MAP4K3: variants seen among roughly 807,000 people sequenced by gnomAD.
MAP4K3 encodes mitogen-activated protein kinase kinase kinase kinase 3.
In MAP4K3, 94 loss-of-function variants were observed where a neutral mutation model predicts 143.5. That is an observed-to-expected ratio of 0.65 (90% CI 0.55 to 0.78). The LOEUF (loss-of-function observed/expected upper bound fraction) is 0.78. Among genes scored for constraint, MAP4K3 ranks in the 30% least tolerant of loss-of-function variants. The probability of loss-of-function intolerance (pLI) is 0.00; values close to 1 mark genes in which losing one functional copy is unlikely to be tolerated. For synonymous variants in MAP4K3, 416 were observed against 347.2 expected, an observed-to-expected ratio of 1.20 and a Z score of -2.20; for missense variants, 1,077 against 1,068.1, an observed-to-expected ratio of 1.01 and a Z score of -0.12.
intron 1 of MAP4K3, among the ~76,000 whole-genome samples, chr2:39,411,901 C>T (rs778557603): frequency 1.2e-4 from 19 of 152,180 alleles, no homozygotes; most frequent in African/African-American, 4.1e-4. Context: ...TGACAACACG[C>T]TTCATGGCAC....
chr2:39,308,806 A>C (rs1682811643), intron 14 of MAP4K3, among the ~76,000 whole-genome samples: 1 of 152,170 alleles, frequency 6.6e-6, no homozygotes, highest in Non-Finnish European at 1.5e-5. Context: ...AGCAAGCCTT[A>C]AATGAATGAC....
chr2:39,306,120 G>A (rs1241995364), intron 15 of MAP4K3, among the ~76,000 whole-genome samples: 1 of 152,174 alleles, frequency 6.6e-6, no homozygotes, highest in African/African-American at 2.4e-5. Flanking sequence ...GAGCCACCGT[G>A]CCCGGCTGAG....
intron 23 of MAP4K3, among the ~76,000 whole-genome samples, chr2:39,278,969 C>A (rs1359738653): frequency 1.3e-5 from 2 of 152,088 alleles, no homozygotes; most frequent in African/African-American, 2.4e-5. Context: ...AACTTGGATA[C>A]CTGCTAGGGT....
intron 2 of MAP4K3, among the ~76,000 whole-genome samples, chr2:39,361,114 G>GT (rs563178588): frequency 6.6e-6 from 1 of 152,104 alleles, no homozygotes; most frequent in Non-Finnish European, 1.5e-5. Flanking sequence ...CTTACTAGTT[G>GT]TATCATCTCA....
chr2:39,336,601 A>C (rs948788353), intron 6 of MAP4K3, among the ~76,000 whole-genome samples: 1 of 152,052 alleles, frequency 6.6e-6, no homozygotes, highest in Non-Finnish European at 1.5e-5. Flanking sequence ...CAAAGCATAA[A>C]ACTTACTAAA....
intron 1 of MAP4K3, among the ~76,000 whole-genome samples, chr2:39,409,622 A>AAATATTG (rs1280506993): frequency 6.6e-6 from 1 of 152,244 alleles, no homozygotes. Context: ...TTTCTCCAGA[A>AAATATTG]AATATTGAGT....
In MAP4K3 at chr2:39,409,351, G is replaced by T. The variant is rs940478602; in HGVS notation, c.96+27541C>A. 3.9e-5 allele frequency among the ~76,000 whole-genome samples: 6 copies of T among 152,146 alleles called. No individual in the cohort carries two copies. In the East Asian group the frequency reaches 5.8e-4, roughly 15 times the overall value. ...TGGGGAAGTCAAAAAGTTATACATGGATTTTCCACTACATGGGGGGCTGGC... is the reference window on the plus strand; with the variant it reads ...TGGGGAAGTCAAAAAGTTATACATGTATTTTCCACTACATGGGGGGCTGGC... On this transcript the variant is annotated intron_variant, in intron 1 of 33. Transcript: ENST00000263881.
At chr2:39,324,424 A>T (rs1573151942) in intron 12 of MAP4K3, among the ~76,000 whole-genome samples, 1 of 152,184 alleles carries the variant, frequency 6.6e-6, no homozygotes, top group African/African-American at 2.4e-5. Context: ...ACAAAAACAA[A>T]ACAAAAAAAA....
At chr2:39,335,282 C>A (rs978135438) in intron 6 of MAP4K3, among the ~76,000 whole-genome samples, 1 of 152,024 alleles carries the variant, frequency 6.6e-6, no homozygotes, top group African/African-American at 2.4e-5. Flanking sequence ...GGTCGCCAAG[C>A]AGAAAAGTGA....
At chr2:39,390,781 A>C (rs1218468302) in intron 1 of MAP4K3, among the ~76,000 whole-genome samples, 1 of 152,198 alleles carries the variant, frequency 6.6e-6, no homozygotes, top group Non-Finnish European at 1.5e-5. Context: ...TTAAAAAAAA[A>C]AAAATACTGG....
At chr2:39,258,711 TGTA>T (rs1171292440) in intron 29 of MAP4K3, 124 bp from the exon 30 acceptor site, 2 of 731,486 alleles carry the variant, frequency 2.7e-6, no homozygotes. Context: ...GTAATACACA[TGTA>T]GTGACTGAGC....
intron 1 of MAP4K3, among the ~76,000 whole-genome samples, chr2:39,400,788 T>C (rs956636357): frequency 3.5e-4 from 54 of 152,264 alleles, no homozygotes; most frequent in African/African-American, 1.3e-3. Context: ...ATACAGTAAT[T>C]TTCAGCTTCC....
At chr2:39,403,789 C>T (rs2148610339) in intron 1 of MAP4K3, among the ~76,000 whole-genome samples, 1 of 151,216 alleles carries the variant, frequency 6.6e-6, no homozygotes, top group East Asian at 2.0e-4. Flanking sequence ...CCACCCCTCC[C>T]CTAACCCCAG....
At chr2:39,320,078 T>G (rs978004788) in intron 12 of MAP4K3, among the ~76,000 whole-genome samples, 1 of 152,176 alleles carries the variant, frequency 6.6e-6, no homozygotes, top group Admixed American at 6.5e-5. Context: ...CTAACAAAAG[T>G]TGGCTGTTTT....
At chr2:39,272,439 A>T in intron 25 of MAP4K3, 39 bp from the exon 26 acceptor site, 1 of 1,599,774 alleles carries the variant, frequency 6.3e-7, no homozygotes, top group Non-Finnish European at 8.6e-7. Flanking sequence ...AGCTAATAAT[A>T]AATAGTAACA....
intron 15 of MAP4K3, among the ~76,000 whole-genome samples, chr2:39,302,908 G>T (rs1682562826): frequency 6.6e-6 from 1 of 152,182 alleles, no homozygotes; most frequent in Non-Finnish European, 1.5e-5. Flanking sequence ...GCGAATGGGA[G>T]ACTATTTCTA....
intron 3 of MAP4K3, among the ~76,000 whole-genome samples, chr2:39,350,894 C>T (rs1307042366): frequency 6.6e-6 from 1 of 152,074 alleles, no homozygotes; most frequent in South Asian, 2.1e-4. Context: ...AGGTCCAGCA[C>T]CTGTGGGGTT....
intron 29 of MAP4K3, among the ~76,000 whole-genome samples, chr2:39,259,323 C>CG (rs895849023): frequency 6.6e-6 from 1 of 152,038 alleles, no homozygotes; most frequent in African/African-American, 2.4e-5. Flanking sequence ...TGAACAGCTC[C>CG]GGGGGTGGGG....
intron 5 of MAP4K3, 21 bp downstream of exon 5, chr2:39,337,505 T>C (rs755445173): frequency 3.0e-5 from 48 of 1,593,362 alleles, no homozygotes; most frequent in Non-Finnish European, 4.0e-5. Context: ...AATGTTATTT[T>C]TGAATTAGCA....
Sources: gnomAD v4.1 joint callset for allele counts (sites outside exome capture counted in the v4.1 genomes callset) on GRCh38, gnomAD v4.1.1 for gene constraint, MANE v1.5 for transcripts, NCBI Gene and HGNC (gene_info 2026-07-23, HGNC 2026-07-21) for gene names.